SNCAIP: variants seen among roughly 807,000 people sequenced by gnomAD.
SNCAIP encodes the protein synuclein alpha interacting protein.
SNCAIP carries 43 observed loss-of-function variants against 86.7 expected under a neutral mutation model. That is an observed-to-expected ratio of 0.50 (90% CI 0.39 to 0.64). The LOEUF (loss-of-function observed/expected upper bound fraction) is 0.64. SNCAIP is among the 30% of genes least tolerant of loss of function. SNCAIP has a pLI of 0.00. For missense variants in SNCAIP, 981 were observed against 1,103.1 expected (o/e 0.89, Z 1.57); for synonymous variants, 417 against 427.2 (o/e 0.98, Z 0.29).
At chr5:122,333,161 G>T (rs1200974689) in intron 1 of SNCAIP, among the ~76,000 whole-genome samples, 1 of 152,192 alleles carries the variant, frequency 6.6e-6, no homozygotes, top group Non-Finnish European at 1.5e-5. Flanking sequence ...TTCTGTAATT[G>T]TAAAATGAGC....
At position 122,378,821 on chromosome 5, in the gene SNCAIP, C is replaced by A. The variant is rs1322371220; in HGVS notation, c.-46-12268C>A. Among the ~76,000 whole-genome samples the A allele has an allele frequency of 2.1e-5, 3 of 145,342 alleles. 1 individual carries two copies. Among genetic ancestry groups the A allele is most frequent in the African/African-American group, 7.7e-5 (3 of 38,794 alleles). Reference sequence around the variant, plus strand: ...GAATCCTTCCCCATTGCTTGTTTTTCTCAGGTTTGTCAAAGATCAGATAGT... The same window carrying A: ...GAATCCTTCCCCATTGCTTGTTTTTATCAGGTTTGTCAAAGATCAGATAGT... On this transcript the variant is annotated intron_variant, in intron 1 of 10. Transcript: ENST00000261368.
At chr5:122,463,330 T>A (rs1396719092) in intron 10 of SNCAIP, among the ~76,000 whole-genome samples, 161 bp from the exon 11 acceptor site, 2 of 152,186 alleles carry the variant, frequency 1.3e-5, no homozygotes, top group African/African-American at 4.8e-5. Flanking sequence ...TAAAGAGTAG[T>A]TTACATGAAA....
In SNCAIP at chr5:122,366,122, C is replaced by T. The variant is rs1207803524; in HGVS notation, c.-46-24967C>T. 2.6e-5 allele frequency among the ~76,000 whole-genome samples: 4 copies of T among 152,276 alleles called. No individual in the cohort carries two copies. The East Asian group carries it at 5.8e-4, about 22-fold the overall frequency. ...GAAAATTATAATAGAGAATTCGTTA[C>T]TCCAATGCTGAAAGAGCTGAGCCAC... On this transcript the variant is annotated intron_variant, in intron 1 of 10. Coordinates refer to ENST00000261368, the MANE Select transcript of SNCAIP (RefSeq NM_005460.4).
chr5:122,394,095 T>A (rs1216738212), intron 2 of SNCAIP, among the ~76,000 whole-genome samples: 1 of 152,188 alleles, frequency 6.6e-6, no homozygotes, highest in Non-Finnish European at 1.5e-5. Flanking sequence ...TTTCTTTTTT[T>A]TTTTTGATAC....
At position 122,423,060 on chromosome 5, in the gene SNCAIP, G is replaced by C. The variant is rs773615333; in HGVS notation, c.323G>C (p.Gly108Ala). 11 of 1,613,970 alleles carry C rather than the reference G, an allele frequency of 6.8e-6. No individual in the cohort carries two copies. The highest frequency in any genetic ancestry group is 1.7e-5 in the Admixed American group (1 of 60,002). The change falls in exon 4 of 11, where the codon GGG becomes GCG. Residue 108 changes from glycine (G) to alanine (A), a missense_variant. Coordinates refer to ENST00000261368, the MANE Select transcript of SNCAIP (RefSeq NM_005460.4). ...CAGAAAGTGGTTGAGTACCAGAAAG[G>C]GGGTGAGTCTGACCTGGGCCCCCAG... Reference protein sequence around the residue: ...KNQKVVEYQKGGESDLGPQPQ... With the variant: ...KNQKVVEYQKAGESDLGPQPQ...
At chr5:122,445,615 T>C (rs1333294449) in intron 8 of SNCAIP, among the ~76,000 whole-genome samples, 1 of 149,760 alleles carries the variant, frequency 6.7e-6, no homozygotes, top group Non-Finnish European at 1.5e-5. Context: ...AATTAAATTT[T>C]AGAGGGAAAA....
chr5:122,433,493 C>CT lies in SNCAIP; in HGVS notation c.1296+1419dup, dbSNP rs1193573054. On this transcript the variant is annotated intron_variant, in intron 6 of 10. Coordinates refer to ENST00000261368, the MANE Select transcript of SNCAIP (RefSeq NM_005460.4). ...GAGGCACTGATATAGCTGAAGAAGA[C>CT]TTTTTTTTGCAGTTTTATCTAACAA... Among the ~76,000 whole-genome samples, 12 of 151,954 alleles carry CT rather than the reference C, an allele frequency of 7.9e-5. 1 individual carries two copies. Among genetic ancestry groups the CT allele is most frequent in the South Asian group, 4.2e-4 (2 of 4,806 alleles).
chr5:122,448,653 T>TATATATA (rs1782923632), intron 8 of SNCAIP, among the ~76,000 whole-genome samples: 1 of 127,814 alleles, frequency 7.8e-6, no homozygotes, highest in Admixed American at 8.7e-5. Context: ...TATATATTTT[T>TATATATA]ATATATATTA....
chr5:122,396,365 G>C (rs565898002), intron 2 of SNCAIP, among the ~76,000 whole-genome samples: 57 of 152,218 alleles, frequency 3.7e-4, no homozygotes, highest in African/African-American at 1.4e-3. Flanking sequence ...GGAGACCTCT[G>C]CCAGAGAAGG....
chr5:122,432,953 T>G (rs1778703150), intron 6 of SNCAIP, among the ~76,000 whole-genome samples: 1 of 152,176 alleles, frequency 6.6e-6, no homozygotes, highest in African/African-American at 2.4e-5. Context: ...TCATAAACTT[T>G]CCTAGTAGAA....
intron 1 of SNCAIP, among the ~76,000 whole-genome samples, chr5:122,329,391 G>A (rs531218474): frequency 6.6e-4 from 101 of 152,048 alleles, no homozygotes; most frequent in Non-Finnish European, 1.0e-3. Context: ...TGAACCTCCC[G>A]GTGTCTCCCA....
chr5:122,440,664 A>G lies in SNCAIP; in HGVS notation c.1332A>G (p.Gln444=), dbSNP rs1780686867. The change falls in exon 7 of 11, where the codon CAA becomes CAG. Residue 444 remains glutamine, a synonymous_variant. Coordinates refer to ENST00000261368, the MANE Select transcript of SNCAIP (RefSeq NM_005460.4). ...TTCTGTGGCTTCTTCAGTTTATGCA[A>G]GAACAGGGCATCTCGTTGGATGAAG... is the stretch of plus-strand genomic sequence containing the variant. ...KILLWLLQFM[Q]EQGISLDEVD... 1 of 1,613,974 alleles carries G rather than the reference A, an allele frequency of 6.2e-7. No individual in the cohort carries two copies. Among genetic ancestry groups the G allele is most frequent in the African/African-American group, 1.3e-5 (1 of 75,046 alleles).
Position 122,463,474 on chromosome 5 carries a change from G to T in SNCAIP, c.2755-17G>T. 1 of 1,526,442 alleles carries T rather than the reference G, an allele frequency of 6.6e-7. No individual in the cohort carries two copies. The highest frequency in any genetic ancestry group is 9.1e-7 in the Non-Finnish European group (1 of 1,101,796). The allele number at this position is 1,526,442 out of a possible 1,614,324, so 94.6% of individuals were successfully genotyped here. Reference sequence around the variant, plus strand: ...TAGTTTTATCTAATTTTGGCCTGTGGTTTCTCTTCTGCTTAGGCATAATGA... The same window carrying T: ...TAGTTTTATCTAATTTTGGCCTGTGTTTTCTCTTCTGCTTAGGCATAATGA... On this transcript the variant is annotated splice_polypyrimidine_tract_variant and intron_variant, in intron 10 of 10. Coordinates refer to ENST00000261368, the MANE Select transcript of SNCAIP (RefSeq NM_005460.4).
chr5:122,327,662 G>A (rs1754386860), intron 1 of SNCAIP, among the ~76,000 whole-genome samples: 1 of 152,122 alleles, frequency 6.6e-6, no homozygotes, highest in African/African-American at 2.4e-5. Context: ...AGTTTCCTGA[G>A]GCCTTCCCAG....
At chr5:122,355,767 C>T (rs186335913) in intron 1 of SNCAIP, among the ~76,000 whole-genome samples, 5 of 152,226 alleles carry the variant, frequency 3.3e-5, no homozygotes, top group East Asian at 3.9e-4. Flanking sequence ...CTCCTTATCT[C>T]GTTACAGTTG....
At chr5:122,440,096 G>A (rs938931005) in intron 6 of SNCAIP, among the ~76,000 whole-genome samples, 16 of 152,306 alleles carry the variant, frequency 1.1e-4, no homozygotes, top group African/African-American at 2.9e-4. Context: ...GCAACTTAAC[G>A]TATTTACCTG....
chr5:122,347,860 A>G (rs149108146), intron 1 of SNCAIP, among the ~76,000 whole-genome samples: 2,198 of 152,186 alleles, frequency 0.014, 52 homozygotes, highest in African/African-American at 0.05. Context: ...GGAAACATTC[A>G]TTCTGATTTT....
At chr5:122,396,583 C>A (rs1770667804) in intron 2 of SNCAIP, among the ~76,000 whole-genome samples, 1 of 152,192 alleles carries the variant, frequency 6.6e-6, no homozygotes, top group African/African-American at 2.4e-5. Flanking sequence ...ATCTAGTCAA[C>A]AAGCATTTAC....
chr5:122,396,964 C>T (rs1370700847), intron 2 of SNCAIP, among the ~76,000 whole-genome samples: 1 of 151,992 alleles, frequency 6.6e-6, no homozygotes, highest in Admixed American at 6.6e-5. Context: ...GGTTTTGGTA[C>T]TTTTAAATAT....
Sources: gnomAD v4.1 joint callset for allele counts (sites outside exome capture counted in the v4.1 genomes callset) on GRCh38, gnomAD v4.1.1 for gene constraint, MANE v1.5 for transcripts, NCBI Gene and HGNC (gene_info 2026-07-23, HGNC 2026-07-21) for gene names.